IL19: variants seen among roughly 807,000 people sequenced by gnomAD.
IL19 encodes interleukin 19.
A neutral mutation model predicts 19.5 loss-of-function variants in IL19; 15 were observed. The ratio of observed to expected loss-of-function variants is 0.77; its 90% CI spans 0.52 to 1.19. The LOEUF (loss-of-function observed/expected upper bound fraction) is 1.19. IL19 is among the 50% of genes most tolerant of loss of function. The pLI is 0.00. For missense variants in IL19, 199 were observed against 213.1 expected, an observed-to-expected ratio of 0.93 and a Z score of 0.41; for synonymous variants, 78 against 78.3, an observed-to-expected ratio of 1.00 and a Z score of 0.02.
Position 206,816,238 on chromosome 1 carries a change from AG to A in IL19, c.-3+17235del, listed in dbSNP as rs1172863341. Among the ~76,000 whole-genome samples the A allele has an allele frequency of 4.0e-4, 61 of 152,356 alleles. 1 individual carries two copies. Among genetic ancestry groups the A allele is most frequent in the African/African-American group, 1.4e-3 (59 of 41,596 alleles). Reference sequence around the variant, plus strand: ...ATTCTGAATATATGCAAAGAAATAAAGGGCACTGGAAATGGTACTACATGCG... The same window carrying A: ...ATTCTGAATATATGCAAAGAAATAAAGGCACTGGAAATGGTACTACATGCG... On this transcript the variant is annotated intron_variant, in intron 2 of 6. Transcript: ENST00000659997.
In IL19 at chr1:206,776,747, G is replaced by A. The variant is rs182884493; in HGVS notation, c.-149+5669G>A. ...ACTAAAATGCTAATTAGGCAAAAAC[G>A]GGAGGTAAAGAAATAGCCAATCATC... On this transcript the variant is annotated intron_variant, in intron 1 of 6. Coordinates refer to ENST00000659997, the MANE Select transcript of IL19 (RefSeq NM_153758.5). Among the ~76,000 whole-genome samples, 7 of 152,018 alleles carry A rather than the reference G, an allele frequency of 4.6e-5. No homozygotes were observed. In the South Asian group the frequency reaches 1.3e-3, roughly 27 times the overall value.
intron 1 of IL19, among the ~76,000 whole-genome samples, chr1:206,794,180 C>T (rs768507826): frequency 1.3e-5 from 2 of 152,166 alleles, no homozygotes; most frequent in Non-Finnish European, 2.9e-5. Context: ...CATTGGCCAC[C>T]AGAACAACTC....
Position 206,839,833 on chromosome 1 carries a change from C to T in IL19, c.211-17C>T. 1 of 1,599,598 alleles carries T rather than the reference C, an allele frequency of 6.3e-7. No homozygotes were observed. ...GAGAGAAGAGGCCTCTAGTGTTTCC[C>T]TAATTTGTGTTTGTAGCCCTTAGAT... On this transcript the variant is annotated splice_polypyrimidine_tract_variant and intron_variant, in intron 4 of 6. Coordinates refer to ENST00000659997, the MANE Select transcript of IL19 (RefSeq NM_153758.5).
intron 2 of IL19, among the ~76,000 whole-genome samples, chr1:206,835,620 C>A (rs1676762453): frequency 6.6e-6 from 1 of 152,138 alleles, no homozygotes; most frequent in Non-Finnish European, 1.5e-5. Flanking sequence ...GCCCTCCTCT[C>A]CTCCACGGCC....
intron 1 of IL19, among the ~76,000 whole-genome samples, chr1:206,783,170 G>T (rs1675186535): frequency 6.6e-6 from 1 of 152,046 alleles, no homozygotes; most frequent in Admixed American, 6.5e-5. Context: ...CTCAATCCCT[G>T]GTTGCCCACC....
intron 1 of IL19, among the ~76,000 whole-genome samples, chr1:206,786,258 A>AAGC (rs1246744815): frequency 6.6e-6 from 1 of 152,226 alleles, no homozygotes; most frequent in African/African-American, 2.4e-5. Context: ...TTTACCTGAC[A>AAGC]AGCCATTGCT....
At chr1:206,824,612 T>C (rs1676383306) in intron 2 of IL19, among the ~76,000 whole-genome samples, 1 of 152,200 alleles carries the variant, frequency 6.6e-6, no homozygotes, top group Non-Finnish European at 1.5e-5. Flanking sequence ...TAGACTGACC[T>C]GGTTTTCCCA....
At position 206,785,583 on chromosome 1, in the gene IL19, G is replaced by A. The variant is rs565848643; in HGVS notation, c.-148-13278G>A. ...AGAGCAGAAGGTTAGCATTTCAATG[G>A]AGGGCTTACAGCCCCTCAGAGGGGA... On this transcript the variant is annotated intron_variant, in intron 1 of 6. Transcript: ENST00000659997. Among the ~76,000 whole-genome samples, 24 of 152,348 alleles carry A rather than the reference G, an allele frequency of 1.6e-4. No homozygotes were observed. The East Asian group carries it at 4.4e-3, about 28-fold the overall frequency.
chr1:206,789,532 C>T (rs190879417), intron 1 of IL19, among the ~76,000 whole-genome samples: 1 of 152,132 alleles, frequency 6.6e-6, no homozygotes, highest in Non-Finnish European at 1.5e-5. Flanking sequence ...TTTTTTATGG[C>T]TGAGTGGTAC....
intron 2 of IL19, among the ~76,000 whole-genome samples, chr1:206,805,011 T>C (rs559559034): frequency 2.0e-5 from 3 of 152,332 alleles, no homozygotes; most frequent in Admixed American, 2.0e-4. Context: ...TTCTGATCAT[T>C]CAAGCACTAA....
At chr1:206,827,994 C>T (rs1431906494) in intron 2 of IL19, among the ~76,000 whole-genome samples, 1 of 152,214 alleles carries the variant, frequency 6.6e-6, no homozygotes, top group African/African-American at 2.4e-5. Context: ...CATATGGATG[C>T]TTCACACAGA....
chr1:206,780,955 GA>G (rs1675115249), intron 1 of IL19, among the ~76,000 whole-genome samples: 1 of 152,132 alleles, frequency 6.6e-6, no homozygotes, highest in South Asian at 2.1e-4. Context: ...TTAAGTTTAG[GA>G]ATTGGGAATG....
intron 1 of IL19, among the ~76,000 whole-genome samples, chr1:206,791,529 C>T (rs912150592): frequency 6.6e-6 from 1 of 152,172 alleles, no homozygotes; most frequent in Non-Finnish European, 1.5e-5. Flanking sequence ...TCTCGAACTC[C>T]TGGCCTCAAG....
intron 2 of IL19, among the ~76,000 whole-genome samples, chr1:206,805,442 T>A (rs1391061451): frequency 6.6e-6 from 1 of 152,258 alleles, no homozygotes; most frequent in Non-Finnish European, 1.5e-5. Flanking sequence ...ATATGCTAGA[T>A]GCTAAAACAA....
At chr1:206,820,160 C>T (rs1009416683) in intron 2 of IL19, among the ~76,000 whole-genome samples, 1 of 152,184 alleles carries the variant, frequency 6.6e-6, no homozygotes, top group Non-Finnish European at 1.5e-5. Context: ...GCCTTCCAAG[C>T]TTCATGTATT....
chr1:206,819,345 G>A (rs1462313592), intron 2 of IL19, among the ~76,000 whole-genome samples: 1 of 152,028 alleles, frequency 6.6e-6, no homozygotes, highest in Non-Finnish European at 1.5e-5. Context: ...CAGCACTTTG[G>A]GAGGCTGAGG....
At chr1:206,805,084 G>A (rs763378771) in intron 2 of IL19, among the ~76,000 whole-genome samples, 7 of 152,034 alleles carry the variant, frequency 4.6e-5, no homozygotes, top group African/African-American at 7.2e-5. Context: ...CACCTGTATC[G>A]GCACAATTTA....
Position 206,770,888 on chromosome 1 carries a change from A to G in IL19, c.-339A>G, listed in dbSNP as rs1554286. 0.78 allele frequency: 1,258,735 copies of G among 1,612,424 alleles called. 500,305 individuals are homozygous for G. The highest frequency in any genetic ancestry group is 0.82 in the Non-Finnish European group (970,432 of 1,178,750). On this transcript the variant is annotated 5_prime_UTR_variant, in exon 1 of 7. Transcript: ENST00000659997. ...ATTTTGGGGGCAGCTGCAAGGGAAA[A>G]AACTGATCTGCTACTTACACAGCGC...
At chr1:206,826,044 TCCA>T (rs1485265229) in intron 2 of IL19, among the ~76,000 whole-genome samples, 1 of 152,082 alleles carries the variant, frequency 6.6e-6, no homozygotes, top group Non-Finnish European at 1.5e-5. Flanking sequence ...TCAGCCCTCC[TCCA>T]CCTTCAAGTC....
Sources: allele counts gnomAD v4.1 joint callset (sites outside exome capture counted in the v4.1 genomes callset), GRCh38; gene constraint gnomAD v4.1.1; transcripts MANE v1.5; gene names NCBI Gene and HGNC (gene_info 2026-07-23, HGNC 2026-07-21).